Variants in LPCAT1 observed in about 807,000 individuals in gnomAD.
LPCAT1 encodes lysophosphatidylcholine acyltransferase 1.
LPCAT1 carries 23 observed loss-of-function variants against 60.9 expected under a neutral mutation model. The ratio of observed to expected loss-of-function variants is 0.38; its 90% CI spans 0.27 to 0.53. The LOEUF (loss-of-function observed/expected upper bound fraction) is 0.53. Ranked by LOEUF, LPCAT1 falls within the 20% of genes least tolerant of loss-of-function variation. The pLI, the probability that LPCAT1 is intolerant of heterozygous loss-of-function variation, is 0.82. For missense variants in LPCAT1, 622 were observed against 723.6 expected (o/e 0.86, Z 1.61); for synonymous variants, 340 against 301.1 (o/e 1.13, Z -1.34).
At chr5:1,514,481 G>A (rs1302643364) in intron 1 of LPCAT1, among the ~76,000 whole-genome samples, 1 of 152,224 alleles carries the variant, frequency 6.6e-6, no homozygotes, top group Non-Finnish European at 1.5e-5. Context: ...CCAGGACACT[G>A]GGAGTCTGCT....
chr5:1,510,549 CG>C (rs1308132268), intron 1 of LPCAT1, among the ~76,000 whole-genome samples: 2 of 152,230 alleles, frequency 1.3e-5, no homozygotes, highest in African/African-American at 4.8e-5. Flanking sequence ...AGTCCACGGG[CG>C]TCTTACGAGG....
chr5:1,514,348 T>C (rs1312454684), intron 1 of LPCAT1, among the ~76,000 whole-genome samples: 1 of 152,186 alleles, frequency 6.6e-6, no homozygotes, highest in Non-Finnish European at 1.5e-5. Context: ...CGAGGGGCCA[T>C]CGCAGGTGCA....
intron 2 of LPCAT1, among the ~76,000 whole-genome samples, chr5:1,497,045 G>A (rs1735819724): frequency 6.6e-6 from 1 of 152,250 alleles, no homozygotes; most frequent in Non-Finnish European, 1.5e-5. Context: ...GAGCAGAGCA[G>A]CTGCATGGCA....
chr5:1,488,879 C>G (rs934393680), intron 4 of LPCAT1, among the ~76,000 whole-genome samples: 2 of 152,220 alleles, frequency 1.3e-5, no homozygotes, highest in Non-Finnish European at 1.5e-5. Flanking sequence ...GCTGATGGAG[C>G]CGAAGGAGGG....
chr5:1,465,025 C>T (rs893545335), intron 13 of LPCAT1, among the ~76,000 whole-genome samples: 8 of 119,624 alleles, frequency 6.7e-5, no homozygotes, highest in South Asian at 2.7e-4. Flanking sequence ...ACAAAACAAG[C>T]GCAGGCACAC....
At chr5:1,494,565 G>A in intron 3 of LPCAT1, 135 bp downstream of exon 3, 1 of 774,070 alleles carries the variant, frequency 1.3e-6, no homozygotes, top group Non-Finnish European at 2.1e-6. Flanking sequence ...GCAACAGAGG[G>A]GGTCTCACTC....
At chr5:1,493,753 G>C (rs2126563720) in intron 3 of LPCAT1, among the ~76,000 whole-genome samples, 1 of 152,384 alleles carries the variant, frequency 6.6e-6, no homozygotes, top group Admixed American at 6.5e-5. Flanking sequence ...AGTCCTCCCA[G>C]AGCAGTGGGT....
At position 1,481,373 on chromosome 5, in the gene LPCAT1, C is replaced by T. The variant is rs1217136308; in HGVS notation, c.727-397G>A. On this transcript the variant is annotated intron_variant, in intron 6 of 13. Transcript: ENST00000283415. This position sits in a 1 kb window ranked among gnomAD's most constrained non-coding sequence, Gnocchi z 7.8. Reference sequence around the variant, plus strand: ...CTGGGGACACCAATTCCAGTGTGCACCCGGGACCCCGGCCCTCTCCTGCCC... The same window carrying T: ...CTGGGGACACCAATTCCAGTGTGCATCCGGGACCCCGGCCCTCTCCTGCCC... Among the ~76,000 whole-genome samples the T allele has an allele frequency of 1.3e-5, 2 of 152,262 alleles. No homozygotes were observed. Among genetic ancestry groups the T allele is most frequent in the East Asian group, 1.9e-4 (1 of 5,178 alleles).
intron 9 of LPCAT1, among the ~76,000 whole-genome samples, chr5:1,475,748 ACGGCCCCGCCC>A (rs1734881813): frequency 1.3e-5 from 2 of 151,552 alleles, no homozygotes; most frequent in Non-Finnish European, 2.9e-5. Context: ...GTGGGGCTGC[ACGGCCCCGCCC>A]AGGCCCAGGA....
chr5:1,467,973 G>A (rs778508937), intron 12 of LPCAT1, among the ~76,000 whole-genome samples: 2 of 152,156 alleles, frequency 1.3e-5, no homozygotes, highest in East Asian at 1.9e-4. Flanking sequence ...GTGATCTTGT[G>A]AGCGTTTGCT....
At chr5:1,472,037 G>C (rs1018001827) in intron 11 of LPCAT1, among the ~76,000 whole-genome samples, 3 of 106,202 alleles carry the variant, frequency 2.8e-5, no homozygotes, top group Non-Finnish European at 5.8e-5. Flanking sequence ...TCTGGTCAGA[G>C]AGCAGGAGGA....
At chr5:1,468,578 G>A (rs1034347431) in intron 12 of LPCAT1, among the ~76,000 whole-genome samples, 1 of 151,698 alleles carries the variant, frequency 6.6e-6, no homozygotes, top group African/African-American at 2.4e-5. Flanking sequence ...CGCAGAGGTA[G>A]GACTGAGGCT....
intron 1 of LPCAT1, among the ~76,000 whole-genome samples, chr5:1,519,488 A>G (rs1736606574): frequency 6.6e-6 from 1 of 152,184 alleles, no homozygotes; most frequent in South Asian, 2.1e-4. Context: ...CATTCGGAAA[A>G]TTCATTCGGA....
rs973489109 is a variant in LPCAT1 at position 1,467,261 on chromosome 5, C to A, written c.1279-371G>T. ...CGGCGCAAGCTTGGGCTGCAGAGTT[C>A]CCCCACGGCCCTCTGCCTCCGTGAG... On this transcript the variant is annotated intron_variant, in intron 12 of 13. Coordinates refer to ENST00000283415, the MANE Select transcript of LPCAT1 (RefSeq NM_024830.5). 3 of 233,298 alleles carry A rather than the reference C, an allele frequency of 1.3e-5. No individual in the cohort carries two copies. The South Asian group carries it at 5.4e-4, about 42-fold the overall frequency. 14.5% of individuals were successfully genotyped at this position (233,298 alleles called of 1,614,324 possible).
chr5:1,506,457 C>T (rs1171928766), intron 1 of LPCAT1, among the ~76,000 whole-genome samples: 1 of 152,256 alleles, frequency 6.6e-6, no homozygotes, highest in Admixed American at 6.5e-5. Flanking sequence ...CCCCTGCGTC[C>T]AGCCTCAGGC....
At chr5:1,520,874 A>AAAAAAGAAAAAG (rs1736652959) in intron 1 of LPCAT1, among the ~76,000 whole-genome samples, 1 of 150,618 alleles carries the variant, frequency 6.6e-6, no homozygotes, top group Non-Finnish European at 1.5e-5. Flanking sequence ...AAAAAAAAAA[A>AAAAAAGAAAAAG]AAAAAGAAAA....
intron 12 of LPCAT1, 24 bp from the exon 13 acceptor site, chr5:1,466,914 C>T: frequency 6.5e-7 from 1 of 1,538,522 alleles, no homozygotes; most frequent in Non-Finnish European, 8.8e-7. Context: ...TGGGTGTCAC[C>T]TTGCAGCCTC....
chr5:1,480,379 C>G lies in LPCAT1; in HGVS notation c.761+563G>C. On this transcript the variant is annotated intron_variant, in intron 7 of 13. Coordinates refer to ENST00000283415, the MANE Select transcript of LPCAT1 (RefSeq NM_024830.5). This position sits in a 1 kb window ranked among gnomAD's most constrained non-coding sequence, Gnocchi z 6.4. ...GGAGCTGCTCTCTCTTGGACTTTCC[C>G]GCTCCCTCTGCCCTCCCGACGTCAG... 1 of 985,364 alleles carries G rather than the reference C, an allele frequency of 1.0e-6. No individual in the cohort carries two copies. Among genetic ancestry groups the G allele is most frequent in the Non-Finnish European group, 1.2e-6 (1 of 829,916 alleles). The allele number at this position is 985,364 out of a possible 1,614,324, so 61.0% of individuals were successfully genotyped here. A position where few individuals can be genotyped will look rare whatever the true frequency, so the allele number is the denominator to read the frequency against.
rs1306745878 is a variant in LPCAT1 at position 1,489,837 on chromosome 5, G to A, written c.515C>T (p.Pro172Leu). 1 of 1,613,310 alleles carries A rather than the reference G, an allele frequency of 6.2e-7. No individual in the cohort carries two copies. Among genetic ancestry groups the A allele is most frequent in the Non-Finnish European group, 8.5e-7 (1 of 1,179,186 alleles). Residue 172 changes from proline (P) to leucine (L), a missense_variant, in exon 4 of 14, where the codon CCT becomes CTT. Pro to Leu is a moderately conservative substitution (Grantham distance 98). Coordinates refer to ENST00000283415, the MANE Select transcript of LPCAT1 (RefSeq NM_024830.5). The stretch of plus-strand genomic sequence containing the variant: ...CTGGTCTGACCGGGACACGAACACA[G>A]GCCGTATATACTGGATCAGAGCTGG... ...IWGTLIQYIR[P>L]VFVSRSDQDS...
Sources: allele counts gnomAD v4.1 joint callset (sites outside exome capture counted in the v4.1 genomes callset), GRCh38; gene constraint gnomAD v4.1.1; non-coding constraint Gnocchi (gnomAD v3.1); transcripts MANE v1.5; gene names NCBI Gene and HGNC (gene_info 2026-07-23, HGNC 2026-07-21).